The following FCHSD2 variants were observed in gnomAD, a reference collection of about 807,000 sequenced individuals.
FCHSD2 encodes F-BAR and double SH3 domains protein 2.
In FCHSD2, 38 loss-of-function variants were observed where a neutral mutation model predicts 108.1. That is an observed-to-expected ratio of 0.35 (90% CI 0.27 to 0.46). The LOEUF (loss-of-function observed/expected upper bound fraction) is 0.46. FCHSD2 is among the 20% of genes least tolerant of loss of function. The pLI is 1.00. For synonymous variants in FCHSD2, 279 were observed against 314.7 expected (o/e 0.89, Z 1.20); for missense variants, 751 against 897.8 (o/e 0.84, Z 2.09).
chr11:72,941,674 CGTTT>C (rs1187721101), intron 8 of FCHSD2, among the ~76,000 whole-genome samples: 3 of 152,012 alleles, frequency 2.0e-5, no homozygotes, highest in Non-Finnish European at 2.9e-5. Flanking sequence ...CATATATGTA[CGTTT>C]GTTTAAATAT....
chr11:72,989,738 G>C (rs1228558246), intron 5 of FCHSD2, among the ~76,000 whole-genome samples: 1 of 152,174 alleles, frequency 6.6e-6, no homozygotes, highest in East Asian at 1.9e-4. Flanking sequence ...ACACACCGGG[G>C]CCAAGCAACA....
intron 12 of FCHSD2, among the ~76,000 whole-genome samples, chr11:72,877,471 C>A (rs538490626): frequency 1.3e-5 from 2 of 152,040 alleles, no homozygotes; most frequent in Non-Finnish European, 2.9e-5. Flanking sequence ...GGGTCATTTT[C>A]CAGCTCTATT....
intron 14 of FCHSD2, among the ~76,000 whole-genome samples, chr11:72,846,849 T>C (rs1420947381): frequency 2.6e-5 from 4 of 152,220 alleles, no homozygotes; most frequent in Admixed American, 6.5e-5. Context: ...TCCTACCTTT[T>C]AATTTAATAT....
intron 3 of FCHSD2, among the ~76,000 whole-genome samples, chr11:73,071,541 A>T (rs868253391): frequency 7.2e-5 from 11 of 151,748 alleles, no homozygotes; most frequent in South Asian, 2.1e-4. Flanking sequence ...AATACAAAAA[A>T]AAAAAAAAAA....
intron 10 of FCHSD2, chr11:72,900,208 C>A: frequency 7.5e-7 from 1 of 1,325,896 alleles, no homozygotes; most frequent in Non-Finnish European, 1.1e-6. Flanking sequence ...CATTAACATG[C>A]AAACCCACAC....
chr11:72,962,334 T>C lies in FCHSD2; in HGVS notation c.705+21754A>G, dbSNP rs185517797. 7.9e-4 allele frequency among the ~76,000 whole-genome samples: 121 copies of C among 152,364 alleles called. 1 individual carries two copies. The highest frequency in any genetic ancestry group is 2.9e-3 in the African/African-American group (120 of 41,602). ...TGAAATCTGTACTTGGGCATTCTTGTGTCTCTAAATTTTCTCAGTTTAAAT... is the reference window on the plus strand; with the variant it reads ...TGAAATCTGTACTTGGGCATTCTTGCGTCTCTAAATTTTCTCAGTTTAAAT... On this transcript the variant is annotated intron_variant, in intron 8 of 19. Transcript: ENST00000409418.
intron 3 of FCHSD2, among the ~76,000 whole-genome samples, chr11:73,035,694 GTTTTTATTTATTTATT>G (rs1272057886): frequency 4.0e-4 from 50 of 126,310 alleles, no homozygotes; most frequent in South Asian, 1.9e-3. Context: ...GAAATGTTCA[GTTTTTATTTATTTATT>G]TATTTATTTA....
chr11:72,840,600 G>C (rs1398263079), intron 19 of FCHSD2, among the ~76,000 whole-genome samples: 1 of 152,182 alleles, frequency 6.6e-6, no homozygotes, highest in Non-Finnish European at 1.5e-5. Context: ...CCGCTTTAAT[G>C]CTCATAAAGT....
At chr11:73,001,683 T>G (rs1228340778) in intron 4 of FCHSD2, among the ~76,000 whole-genome samples, 1 of 152,208 alleles carries the variant, frequency 6.6e-6, no homozygotes, top group Non-Finnish European at 1.5e-5. Flanking sequence ...AAATATATCA[T>G]GAACAACTGT....
At chr11:73,037,150 T>C (rs1265496721) in intron 3 of FCHSD2, among the ~76,000 whole-genome samples, 2 of 152,326 alleles carry the variant, frequency 1.3e-5, no homozygotes, top group East Asian at 3.9e-4. Flanking sequence ...AGTTTTAGGT[T>C]CATGGCAAAA....
At chr11:73,007,535 C>T (rs914049473) in intron 4 of FCHSD2, among the ~76,000 whole-genome samples, 4 of 151,956 alleles carry the variant, frequency 2.6e-5, no homozygotes, top group Admixed American at 1.3e-4. Flanking sequence ...TCACTTGGAT[C>T]CAAGAGTTTG....
intron 4 of FCHSD2, among the ~76,000 whole-genome samples, chr11:73,002,261 A>G (rs1857640654): frequency 6.6e-6 from 1 of 152,218 alleles, no homozygotes; most frequent in Non-Finnish European, 1.5e-5. Flanking sequence ...ATGGAGTCTT[A>G]CAAATTTGTT....
intron 3 of FCHSD2, 45 bp downstream of exon 3, chr11:73,083,650 G>A (rs563793101): frequency 1.6e-5 from 20 of 1,266,406 alleles, no homozygotes; most frequent in South Asian, 1.3e-4. Flanking sequence ...CTTAAGCCAC[G>A]GAAAAGAAGT....
At chr11:72,995,389 C>A (rs1246775351) in intron 5 of FCHSD2, among the ~76,000 whole-genome samples, 2 of 151,994 alleles carry the variant, frequency 1.3e-5, no homozygotes, top group Non-Finnish European at 2.9e-5. Flanking sequence ...GGCTCCATGG[C>A]TACAATTTTG....
At chr11:73,016,262 C>G (rs1222318064) in intron 3 of FCHSD2, among the ~76,000 whole-genome samples, 3 of 151,038 alleles carry the variant, frequency 2.0e-5, no homozygotes, top group African/African-American at 7.3e-5. Flanking sequence ...GAGACTGGGC[C>G]TCAGCACTCC....
chr11:73,137,676 T>C (rs1861150285), intron 2 of FCHSD2, among the ~76,000 whole-genome samples: 1 of 152,098 alleles, frequency 6.6e-6, no homozygotes, highest in African/African-American at 2.4e-5. Flanking sequence ...TTGCAGTTAT[T>C]GGTAATCAAG....
intron 3 of FCHSD2, among the ~76,000 whole-genome samples, chr11:73,053,399 A>T (rs1326812649): frequency 6.6e-6 from 1 of 152,162 alleles, no homozygotes; most frequent in Non-Finnish European, 1.5e-5. Context: ...ATAGAAAATG[A>T]ATTCTGAAAA....
At chr11:73,049,410 C>T (rs1426582723) in intron 3 of FCHSD2, among the ~76,000 whole-genome samples, 2 of 151,666 alleles carry the variant, frequency 1.3e-5, no homozygotes, top group East Asian at 3.9e-4. Context: ...TTTCATAGGA[C>T]GTTCAAGTGT....
At chr11:73,098,605 A>G (rs555733574) in intron 2 of FCHSD2, among the ~76,000 whole-genome samples, 684 of 149,662 alleles carry the variant, frequency 4.6e-3, no homozygotes, top group Middle Eastern at 6.9e-3. Context: ...ATAGTCCAGG[A>G]AAAAAAAAAC....
Sources: allele counts gnomAD v4.1 joint callset (sites outside exome capture counted in the v4.1 genomes callset), GRCh38; gene constraint gnomAD v4.1.1; transcripts MANE v1.5; gene names NCBI Gene and HGNC (gene_info 2026-07-23, HGNC 2026-07-21).